GNAL: variants seen among roughly 807,000 people sequenced by gnomAD.
GNAL encodes guanine nucleotide-binding protein G(olf) subunit alpha.
Under a neutral mutation model 55.1 loss-of-function variants are expected in GNAL, and 18 were observed. That is an observed-to-expected ratio of 0.33 (90% CI 0.23 to 0.48). The LOEUF is 0.48. Among genes scored for constraint, GNAL ranks in the 20% least tolerant of loss-of-function variants. The pLI is 0.99. For missense variants in GNAL, 412 were observed against 614.1 expected (o/e 0.67, Z 3.48); for synonymous variants, 253 against 237.0 (o/e 1.07, Z -0.62).
intron 5 of GNAL, among the ~76,000 whole-genome samples, chr18:11,849,323 G>A (rs79443025): frequency 0.049 from 7,413 of 152,180 alleles, 207 homozygotes; most frequent in South Asian, 0.098. Flanking sequence ...CCAACATGGC[G>A]AAACCCCAGC....
intron 4 of GNAL, among the ~76,000 whole-genome samples, chr18:11,794,595 A>AC (rs1322193726): frequency 6.6e-5 from 10 of 152,096 alleles, no homozygotes; most frequent in Admixed American, 6.6e-5. Context: ...ATGAGGAGTG[A>AC]CCACCTGGTG....
chr18:11,884,422 A>C lies in GNAL; in HGVS notation c.*3287A>C, dbSNP rs201396878. The stretch of plus-strand genomic sequence containing the variant: ...CCAAAGTTCCATTTCTTGGGCTTTG[A>C]TATTTATAATGGCGCCTGCTCTTCA... On this transcript the variant is annotated 3_prime_UTR_variant, in exon 12 of 12. Coordinates refer to ENST00000334049, the MANE Select transcript of GNAL (RefSeq NM_182978.4). 1 of 1,607,616 alleles carries C rather than the reference A, an allele frequency of 6.2e-7. No homozygotes were observed. The highest frequency in any genetic ancestry group is 2.2e-5 in the East Asian group (1 of 44,736).
chr18:11,835,105 C>A (rs572335999), intron 5 of GNAL, among the ~76,000 whole-genome samples: 1 of 152,188 alleles, frequency 6.6e-6, no homozygotes, highest in Non-Finnish European at 1.5e-5. Flanking sequence ...CAGATAGATG[C>A]ATTTTTCAAA....
At chr18:11,772,449 G>C (rs981683054) in intron 4 of GNAL, among the ~76,000 whole-genome samples, 2 of 152,102 alleles carry the variant, frequency 1.3e-5, no homozygotes, top group African/African-American at 2.4e-5. Flanking sequence ...CCCCAGTGCC[G>C]TCCTGTTCCA....
chr18:11,831,967 T>C (rs564672973), intron 5 of GNAL, among the ~76,000 whole-genome samples: 13 of 152,366 alleles, frequency 8.5e-5, no homozygotes, highest in African/African-American at 3.1e-4. Context: ...TAAAAGTGAG[T>C]GTCCTTGAAG....
At chr18:11,735,764 AAAAG>A (rs557213377) in intron 1 of GNAL, among the ~76,000 whole-genome samples, 11 of 150,872 alleles carry the variant, frequency 7.3e-5, no homozygotes, top group Non-Finnish European at 1.0e-4. Context: ...CAAAAAAAAA[AAAAG>A]AAAGAGAGAA....
At chr18:11,766,020 G>A (rs977500488) in intron 4 of GNAL, among the ~76,000 whole-genome samples, 4 of 152,186 alleles carry the variant, frequency 2.6e-5, no homozygotes, top group African/African-American at 9.7e-5. Flanking sequence ...ATGTAACTGA[G>A]AGAAAATATT....
chr18:11,703,047 G>A (rs150682496), intron 1 of GNAL, among the ~76,000 whole-genome samples: 7,514 of 152,272 alleles, frequency 0.049, 210 homozygotes, highest in Middle Eastern at 0.092. Flanking sequence ...GAACCTGGGA[G>A]CCAGAGGTTG....
intron 5 of GNAL, among the ~76,000 whole-genome samples, chr18:11,830,634 A>C (rs931464301): frequency 6.6e-6 from 1 of 152,178 alleles, no homozygotes; most frequent in Non-Finnish European, 1.5e-5. Flanking sequence ...GTGTAAACCC[A>C]AGAGAATTAA....
At chr18:11,796,640 A>C (rs1295761908) in intron 4 of GNAL, among the ~76,000 whole-genome samples, 3 of 151,540 alleles carry the variant, frequency 2.0e-5, no homozygotes, top group Admixed American at 6.6e-5. Flanking sequence ...AGAGATAAGC[A>C]CTGCAAACAT....
chr18:11,840,982 C>T (rs1485864425), intron 5 of GNAL, among the ~76,000 whole-genome samples: 2 of 151,524 alleles, frequency 1.3e-5, no homozygotes, highest in African/African-American at 4.9e-5. Context: ...CAAGTGACCT[C>T]CCACCTCAGC....
At chr18:11,772,016 G>A (rs1384742658) in intron 4 of GNAL, among the ~76,000 whole-genome samples, 1 of 152,074 alleles carries the variant, frequency 6.6e-6, no homozygotes, top group Non-Finnish European at 1.5e-5. Flanking sequence ...GCCCCTGTGT[G>A]CAAATTTGGA....
chr18:11,874,362 T>C (rs879740824), intron 10 of GNAL: 1 of 136,402 alleles, frequency 7.3e-6, no homozygotes, highest in Non-Finnish European at 1.6e-5. Context: ...TGGGTTAAAC[T>C]CACAGTAATT....
chr18:11,735,177 A>G (rs1032601491), intron 1 of GNAL, among the ~76,000 whole-genome samples: 12 of 151,536 alleles, frequency 7.9e-5, no homozygotes, highest in African/African-American at 2.9e-4. Flanking sequence ...CAACCTCCCA[A>G]GTAGCTGGAA....
intron 4 of GNAL, among the ~76,000 whole-genome samples, chr18:11,777,175 T>C (rs574077661): frequency 2.0e-5 from 3 of 152,344 alleles, no homozygotes; most frequent in African/African-American, 7.2e-5. Context: ...GGCCAAGTTT[T>C]CAGCACATCA....
chr18:11,879,595 C>T (rs139281856), intron 11 of GNAL, among the ~76,000 whole-genome samples: 3 of 152,190 alleles, frequency 2.0e-5, no homozygotes, highest in Non-Finnish European at 4.4e-5. Flanking sequence ...CTCATTTTAC[C>T]GTAATTGCCT....
intron 1 of GNAL, among the ~76,000 whole-genome samples, chr18:11,740,918 C>T (rs2032562241): frequency 6.6e-6 from 1 of 152,234 alleles, no homozygotes; most frequent in African/African-American, 2.4e-5. Context: ...GGATGAGCCA[C>T]TCCAGCTTCT....
rs552172581 is a variant in GNAL, at chr18:11,877,784, G to A, written c.1230+1096G>A. 2.0e-5 allele frequency among the ~76,000 whole-genome samples: 3 copies of A among 152,276 alleles called. No individual in the cohort carries two copies. The South Asian group carries it at 6.2e-4, about 32-fold the overall frequency. On this transcript the variant is annotated intron_variant, in intron 11 of 11. Transcript: ENST00000334049. ...ACCCTTTTCCCGGCACACCCCTGTG[G>A]GATGACTCTTGAATCCTACAGTGAG...
At chr18:11,776,409 C>A (rs2033785219) in intron 4 of GNAL, among the ~76,000 whole-genome samples, 1 of 152,076 alleles carries the variant, frequency 6.6e-6, no homozygotes, top group Non-Finnish European at 1.5e-5. Flanking sequence ...GAAATAACTT[C>A]CATAATAAGA....
Sources: allele counts gnomAD v4.1 joint callset (sites outside exome capture counted in the v4.1 genomes callset), GRCh38; gene constraint gnomAD v4.1.1; transcripts MANE v1.5; gene names NCBI Gene and HGNC (gene_info 2026-07-23, HGNC 2026-07-21).